Variants in F10 observed in about 807,000 individuals in gnomAD.
The protein encoded by F10 is coagulation factor X, also known as Stuart-Prower factor.
F10 carries 29 observed loss-of-function variants against 37.1 expected under a neutral mutation model. The ratio of observed to expected loss-of-function variants is 0.78; its 90% CI spans 0.58 to 1.07. The LOEUF is 1.07. Among genes scored for constraint, F10 ranks in the 50% least tolerant of loss-of-function variants. The pLI is 0.00. For synonymous variants in F10, 262 were observed against 268.6 expected (o/e 0.98, Z 0.24); for missense variants, 539 against 667.9 (o/e 0.81, Z 2.13).
intron 2 of F10, among the ~76,000 whole-genome samples, chr13:113,134,045 T>A (rs746169664): frequency 7.9e-5 from 12 of 152,292 alleles, no homozygotes; most frequent in Non-Finnish European, 1.3e-4. Context: ...ATAAAGTTCA[T>A]CTACAAAGAG....
chr13:113,138,809 A>C (rs559886939), intron 3 of F10, among the ~76,000 whole-genome samples: 1 of 152,368 alleles, frequency 6.6e-6, no homozygotes, highest in South Asian at 2.1e-4. Flanking sequence ...TTCCCGACTA[A>C]GGTAACCACC....
At chr13:113,124,420 G>A (rs959391222) in intron 1 of F10, among the ~76,000 whole-genome samples, 4 of 152,210 alleles carry the variant, frequency 2.6e-5, no homozygotes, top group African/African-American at 9.6e-5. Flanking sequence ...GTGTGATGCG[G>A]GCCTGGCTCA....
Position 113,146,519 on chromosome 13 carries a change from G to A in F10, c.748-860G>A, listed in dbSNP as rs1595097673. Among the ~76,000 whole-genome samples, 2 of 152,290 alleles carry A rather than the reference G, an allele frequency of 1.3e-5. No homozygotes were observed. Among genetic ancestry groups the A allele is most frequent in the East Asian group, 3.9e-4 (2 of 5,170 alleles). ...ATTCTTGTTTCCTGGTTCGAGTCTT[G>A]GCAAGTGGGCCTCATCTGCATCTTT... On this transcript the variant is annotated intron_variant, in intron 6 of 7. Coordinates refer to ENST00000375559, the MANE Select transcript of F10 (RefSeq NM_000504.4). This position sits in a 1 kb window ranked among gnomAD's most constrained non-coding sequence, Gnocchi z 4.5.
rs1293344292 is a variant in F10 at position 113,129,479 on chromosome 13, A to G, written c.98A>G (p.Asn33Ser). ...SLFIRREQAN[N>S]ILARVTRANS... ...TTCATCCGCAGGGAGCAGGCCAACA[A>G]CATCCTGGCGAGGGTCACGAGGGCC... The change falls in exon 2 of 8, where the codon AAC (asparagine) becomes AGC (serine). Residue 33 changes from asparagine (N) to serine (S), a missense_variant. Coordinates refer to ENST00000375559, the MANE Select transcript of F10 (RefSeq NM_000504.4). 1.2e-6 allele frequency: 2 copies of G among 1,613,902 alleles called. No individual in the cohort carries two copies. The highest frequency in any genetic ancestry group is 1.7e-4 in the Middle Eastern group (1 of 6,004).
In F10 at chr13:113,144,492, C is replaced by G. The variant is rs550632830; in HGVS notation, c.747+397C>G. Among the ~76,000 whole-genome samples the G allele has an allele frequency of 6.6e-6, 1 of 152,394 alleles. No homozygotes were observed. Among genetic ancestry groups the G allele is most frequent in the South Asian group, 2.1e-4 (1 of 4,832 alleles). On this transcript the variant is annotated intron_variant, in intron 6 of 7. Coordinates refer to ENST00000375559, the MANE Select transcript of F10 (RefSeq NM_000504.4). The surrounding 1 kb of genome is among the most constrained non-coding windows in gnomAD (Gnocchi z 6.4). ...AGGAGACAAGGCTAAAGCCAGGGAG[C>G]CACCCACACTGCAGGGGCATCAGCG... is the stretch of plus-strand genomic sequence containing the variant.
At chr13:113,138,155 G>A (rs1378508566) in intron 2 of F10, among the ~76,000 whole-genome samples, 2 of 152,176 alleles carry the variant, frequency 1.3e-5, no homozygotes, top group African/African-American at 4.8e-5. Context: ...ACCAGCTCGG[G>A]AGTAGCAAAC....
At chr13:113,148,345 A>T (rs9577468) in intron 7 of F10, among the ~76,000 whole-genome samples, 17,121 of 94,294 alleles carry the variant, frequency 0.18, 1,498 homozygotes, top group East Asian at 0.39. Context: ...AAAAAAAAAA[A>T]ATATATATAT....
chr13:113,125,739 G>T (rs2036364423), intron 1 of F10, among the ~76,000 whole-genome samples: 1 of 152,250 alleles, frequency 6.6e-6, no homozygotes, highest in Non-Finnish European at 1.5e-5. Context: ...AGCCAGGCAC[G>T]CCATCTTTCC....
Position 113,143,838 on chromosome 13 carries a change from CTCTT to C in F10, c.503-6_503-3del. ...CTCTGTGCTGAAGGCCCCGGCCGTC[CTCTT>C]TCTTTCAGGGCCCTACCCCTGTGGG... On this transcript the variant is annotated splice_polypyrimidine_tract_variant and intron_variant, in intron 5 of 7. Transcript: ENST00000375559. The surrounding 1 kb of genome is among the most constrained non-coding windows in gnomAD (Gnocchi z 6.8). The C allele has an allele frequency of 6.2e-7, 1 of 1,611,568 alleles. No homozygotes were observed. The highest frequency in any genetic ancestry group is 8.5e-7 in the Non-Finnish European group (1 of 1,179,994).
chr13:113,149,449 A>T lies in F10; in HGVS notation c.1399A>T (p.Lys467Ter). Residue 467 changes from lysine (K) to a stop codon, truncating the protein, a stop_gained, in exon 8 of 8, where the codon AAA becomes TAA. Transcript: ENST00000375559. LOFTEE classifies it low-confidence loss of function (END_TRUNC). This position sits in a 1 kb window ranked among gnomAD's most constrained non-coding sequence, Gnocchi z 7.5. ...CCTCAAGTGGATCGACAGGTCCATG[A>T]AAACCAGGGGCTTGCCCAAGGCCAA... ...AFLKWIDRSM[K>*]TRGLPKAKSH... The T allele has an allele frequency of 6.2e-7, 1 of 1,613,394 alleles. No homozygotes were observed. Among genetic ancestry groups the T allele is most frequent in the Middle Eastern group, 1.7e-4 (1 of 6,056 alleles).
In F10 at chr13:113,139,418, G is replaced by C. The variant is rs567909277; in HGVS notation, c.318G>C (p.Gly106=). The change falls in exon 4 of 8, where the codon GGG becomes GGC. Residue 106 remains glycine, a synonymous_variant. Coordinates refer to ENST00000375559, the MANE Select transcript of F10 (RefSeq NM_000504.4). The surrounding 1 kb of genome is among the most constrained non-coding windows in gnomAD (Gnocchi z 5.2). ...QNQGKCKDGL[G]EYTCTCLEGF... ...AGGGCAAATGTAAAGACGGCCTCGGGGAATACACCTGCACCTGTTTAGAAG... is the reference window on the plus strand; with the variant it reads ...AGGGCAAATGTAAAGACGGCCTCGGCGAATACACCTGCACCTGTTTAGAAG... 105 of 1,613,826 alleles carry C rather than the reference G, an allele frequency of 6.5e-5. 1 individual carries two copies. The South Asian group carries it at 9.4e-4, about 15-fold the overall frequency.
intron 1 of F10, among the ~76,000 whole-genome samples, chr13:113,127,006 A>T (rs1228583719): frequency 1.3e-5 from 2 of 152,224 alleles, no homozygotes; most frequent in African/African-American, 4.8e-5. Flanking sequence ...TCAAGAAATA[A>T]TAAATCTAAG....
At position 113,143,710 on chromosome 13, in the gene F10, CGCCCTGCAAGCCCGCTGCCCCTCCGGGT is replaced by C; in HGVS notation, c.503-136_503-109del. On this transcript the variant is annotated intron_variant, in intron 5 of 7. Coordinates refer to ENST00000375559, the MANE Select transcript of F10 (RefSeq NM_000504.4). This position sits in a 1 kb window ranked among gnomAD's most constrained non-coding sequence, Gnocchi z 6.8. ...GACCCCTGCCGACGACGTGGGGCCT[CGCCCTGCAAGCCCGCTGCCCCTCCGGGT>C]GCCCCTGCGCTCTGCCTCCCGGCTC... The C allele has an allele frequency of 8.2e-7, 1 of 1,220,232 alleles. No individual in the cohort carries two copies. The highest frequency in any genetic ancestry group is 1.7e-5 in the South Asian group (1 of 57,828). The allele number at this position is 1,220,232 out of a possible 1,614,324, so 75.6% of individuals were successfully genotyped here.
rs1056326407 is a variant in F10, at chr13:113,144,625, A to G, written c.747+530A>G. ...TCATTTCTAATTTTGGAATTTTTTTACCCAAACACCTAAATCCTATGGAGG... is the reference window on the plus strand; with the variant it reads ...TCATTTCTAATTTTGGAATTTTTTTGCCCAAACACCTAAATCCTATGGAGG... On this transcript the variant is annotated intron_variant, in intron 6 of 7. Coordinates refer to ENST00000375559, the MANE Select transcript of F10 (RefSeq NM_000504.4). The surrounding 1 kb of genome is among the most constrained non-coding windows in gnomAD (Gnocchi z 6.4). Among the ~76,000 whole-genome samples the G allele has an allele frequency of 2.0e-5, 3 of 152,224 alleles. No homozygotes were observed. The South Asian group carries it at 6.2e-4, about 31-fold the overall frequency.
At chr13:113,140,657 G>T in intron 4 of F10, 2 of 663,844 alleles carry the variant, frequency 3.0e-6, no homozygotes, top group Non-Finnish European at 2.8e-6. Flanking sequence ...GCTGGGGCAG[G>T]GGGTACCGGC....
intron 2 of F10, chr13:113,131,696 A>T (rs1485525665): frequency 6.6e-6 from 1 of 152,264 alleles, no homozygotes; most frequent in Admixed American, 6.5e-5. Flanking sequence ...TATCACCTGC[A>T]GATAATGAGC....
At position 113,149,320 on chromosome 13, in the gene F10, G is replaced by T. The variant is rs201301913; in HGVS notation, c.1270G>T (p.Val424Phe). Residue 424 changes from valine (V) to phenylalanine (F), a missense_variant, in exon 8 of 8, where the codon GTC becomes TTC. By Grantham distance (50) the Val-to-Phe change is conservative. Transcript: ENST00000375559. This position sits in a 1 kb window ranked among gnomAD's most constrained non-coding sequence, Gnocchi z 7.5. The part of the protein sequence containing the change: ...ACQGDSGGPH[V>F]TRFKDTYFVT... ...CCAGGGGGACAGCGGGGGCCCGCACGTCACCCGCTTCAAGGACACCTACTT... is the reference window on the plus strand; with the variant it reads ...CCAGGGGGACAGCGGGGGCCCGCACTTCACCCGCTTCAAGGACACCTACTT... The T allele has an allele frequency of 1.2e-6, 2 of 1,613,272 alleles. No homozygotes were observed. Among genetic ancestry groups the T allele is most frequent in the East Asian group, 2.2e-5 (1 of 44,882 alleles).
At chr13:113,129,698 G>A (rs2036409875) in intron 2 of F10, 86 bp downstream of exon 2, 1 of 1,581,072 alleles carries the variant, frequency 6.3e-7, no homozygotes, top group Non-Finnish European at 8.7e-7. Flanking sequence ...CATCCAGGGG[G>A]GCGGCCTGGA....
chr13:113,148,772 A>T, intron 7 of F10, 144 bp from the exon 8 acceptor site: 1 of 1,390,766 alleles, frequency 7.2e-7, no homozygotes, highest in Non-Finnish European at 9.7e-7. Context: ...GCTGCTTTGC[A>T]CTTCCCTCTA....
Sources: gnomAD v4.1 joint callset for allele counts (sites outside exome capture counted in the v4.1 genomes callset) on GRCh38, gnomAD v4.1.1 for gene constraint, Gnocchi (gnomAD v3.1) non-coding constraint, MANE v1.5 for transcripts, NCBI Gene and HGNC (gene_info 2026-07-23, HGNC 2026-07-21) for gene names.